Variants in RIC1 observed in about 807,000 individuals in gnomAD.
RIC1 encodes RIC1 partner of RAB6A GEF complex.
Under a neutral mutation model 169.0 loss-of-function variants are expected in RIC1, and 88 were observed. The ratio of observed to expected loss-of-function variants is 0.52; its 90% CI spans 0.44 to 0.62. The LOEUF is 0.62. Among genes scored for constraint, RIC1 ranks in the 20% least tolerant of loss-of-function variants. RIC1 has a pLI of 0.00. For synonymous variants in RIC1, 790 were observed against 601.5 expected, an observed-to-expected ratio of 1.31 and a Z score of -4.59; for missense variants, 1,877 against 1,725.5, an observed-to-expected ratio of 1.09 and a Z score of -1.56.
intron 14 of RIC1, among the ~76,000 whole-genome samples, 200 bp downstream of exon 14, chr9:5,753,846 G>C (rs1216895704): frequency 6.6e-6 from 1 of 152,162 alleles, no homozygotes; most frequent in Non-Finnish European, 1.5e-5. Flanking sequence ...ATCTTGTGTT[G>C]AAATAGTTGG....
intron 1 of RIC1, among the ~76,000 whole-genome samples, chr9:5,655,652 G>A (rs976863182): frequency 6.6e-6 from 1 of 152,064 alleles, no homozygotes; most frequent in Admixed American, 6.6e-5. Context: ...CTTTTTCTGT[G>A]TTTATTGAAA....
At chr9:5,640,934 C>T (rs1474674931) in intron 1 of RIC1, among the ~76,000 whole-genome samples, 1 of 152,054 alleles carries the variant, frequency 6.6e-6, no homozygotes, top group Non-Finnish European at 1.5e-5. Context: ...CCACTCTCTC[C>T]TGGCCTGTAA....
Position 5,726,029 on chromosome 9 carries a change from G to T in RIC1, c.720+5279G>T, listed in dbSNP as rs1020816976. On this transcript the variant is annotated intron_variant, in intron 6 of 25. Transcript: ENST00000414202. ...TGGTGCTGAGAAGAATGTATATTCT[G>T]TTGATTTGGGGTGGAGAGTTCTGTA... Among the ~76,000 whole-genome samples the T allele has an allele frequency of 6.6e-5, 10 of 152,296 alleles. No homozygotes were observed. In the East Asian group the frequency reaches 1.9e-3, roughly 29 times the overall value.
intron 1 of RIC1, among the ~76,000 whole-genome samples, chr9:5,651,812 C>T (rs140516046): frequency 1.3e-5 from 2 of 152,194 alleles, no homozygotes; most frequent in African/African-American, 4.8e-5. Flanking sequence ...AAGTGATCTG[C>T]CCACCTCGGC....
At chr9:5,728,396 G>A (rs142900104) in intron 6 of RIC1, among the ~76,000 whole-genome samples, 155 of 152,348 alleles carry the variant, frequency 1.0e-3, no homozygotes, top group Admixed American at 1.8e-3. Flanking sequence ...TTGGAAAAGC[G>A]CAGTATTAGG....
chr9:5,630,806 C>T (rs1174853707), intron 1 of RIC1, among the ~76,000 whole-genome samples: 1 of 152,200 alleles, frequency 6.6e-6, no homozygotes, highest in African/African-American at 2.4e-5. Flanking sequence ...AAAGTATCAT[C>T]TGGTTCCTAA....
intron 1 of RIC1, among the ~76,000 whole-genome samples, chr9:5,636,088 G>A (rs550944300): frequency 6.6e-6 from 1 of 152,240 alleles, no homozygotes; most frequent in East Asian, 1.9e-4. Flanking sequence ...CTGTTTATGT[G>A]AAAATATCAT....
chr9:5,629,490 C>T (rs1295819471), intron 1 of RIC1, 37 bp downstream of exon 1: 2 of 1,504,476 alleles, frequency 1.3e-6, no homozygotes, highest in African/African-American at 2.8e-5. Context: ...GCCGCTGCCT[C>T]CCCGGCCTCC....
intron 2 of RIC1, among the ~76,000 whole-genome samples, chr9:5,678,649 T>A (rs544502035): frequency 5.3e-5 from 8 of 152,370 alleles, no homozygotes; most frequent in South Asian, 2.1e-4. Flanking sequence ...ATGTCTTCTT[T>A]TGAGAAGTGT....
In RIC1 at chr9:5,757,377, C is replaced by T. The variant is rs1486618142; in HGVS notation, c.1918C>T (p.Pro640Ser). 2 of 1,614,030 alleles carry T rather than the reference C, an allele frequency of 1.2e-6. No individual in the cohort carries two copies. The highest frequency in any genetic ancestry group is 1.7e-5 in the Admixed American group (1 of 60,032). Residue 640 changes from proline (P) to serine (S), a missense_variant, in exon 17 of 26, where the codon CCT becomes TCT. This residue lies in a region of RIC1 where 1,104 missense variants were observed against 992.0 expected (regional missense o/e 1.11). Coordinates refer to ENST00000414202, the MANE Select transcript of RIC1 (RefSeq NM_020829.4). ...TTCCATGTCACGCTACATTCCTCACCCTTTCCTGGTGGTATCTGTCACTCT... is the reference window on the plus strand; with the variant it reads ...TTCCATGTCACGCTACATTCCTCACTCTTTCCTGGTGGTATCTGTCACTCT... Reference protein sequence around the residue: ...EVSMSRYIPHPFLVVSVTLTS... With the variant: ...EVSMSRYIPHSFLVVSVTLTS...
chr9:5,743,760 T>A (rs914374799), intron 10 of RIC1, 23 bp downstream of exon 10: 12 of 1,545,170 alleles, frequency 7.8e-6, no homozygotes, highest in Non-Finnish European at 1.1e-5. Context: ...TATAAAAAAT[T>A]GGCATGGTAT....
chr9:5,700,282 G>T (rs1268188878), intron 3 of RIC1, among the ~76,000 whole-genome samples: 1 of 152,054 alleles, frequency 6.6e-6, no homozygotes, highest in East Asian at 1.9e-4. Flanking sequence ...GAACATTATT[G>T]AGGGGATTAT....
intron 6 of RIC1, among the ~76,000 whole-genome samples, chr9:5,721,039 T>C (rs553850234): frequency 6.6e-6 from 1 of 152,328 alleles, no homozygotes; most frequent in East Asian, 1.9e-4. Flanking sequence ...TCTCCACTAC[T>C]CTGAATATTT....
intron 11 of RIC1, 77 bp downstream of exon 11, chr9:5,746,160 G>T: frequency 3.9e-6 from 4 of 1,031,844 alleles, no homozygotes; most frequent in Non-Finnish European, 4.1e-6. Flanking sequence ...ACATATGTAT[G>T]GCGTATACTT....
intron 1 of RIC1, among the ~76,000 whole-genome samples, chr9:5,642,964 C>G (rs1367408983): frequency 6.6e-6 from 1 of 151,942 alleles, no homozygotes; most frequent in Non-Finnish European, 1.5e-5. Flanking sequence ...AATCTAGTAC[C>G]ATTTTTATGA....
At chr9:5,676,184 T>C (rs531473217) in intron 2 of RIC1, among the ~76,000 whole-genome samples, 299 of 152,308 alleles carry the variant, frequency 2.0e-3, no homozygotes, top group African/African-American at 6.6e-3. Flanking sequence ...CCCAAAGTGC[T>C]GGGATTACAG....
intron 2 of RIC1, among the ~76,000 whole-genome samples, chr9:5,681,094 G>C (rs1292670249): frequency 1.3e-5 from 2 of 151,904 alleles, no homozygotes; most frequent in Admixed American, 6.6e-5. Flanking sequence ...CCAAAGTGCT[G>C]GGATTACAGG....
At chr9:5,693,313 A>C (rs997572405) in intron 3 of RIC1, among the ~76,000 whole-genome samples, 1 of 152,136 alleles carries the variant, frequency 6.6e-6, no homozygotes, top group African/African-American at 2.4e-5. Flanking sequence ...TCTTAACCTC[A>C]GACTGCATAT....
chr9:5,763,676 G>C lies in RIC1; in HGVS notation c.2649G>C (p.Leu883=). 1 of 1,614,146 alleles carries C rather than the reference G, an allele frequency of 6.2e-7. No homozygotes were observed. Among genetic ancestry groups the C allele is most frequent in the Non-Finnish European group, 8.5e-7 (1 of 1,180,018 alleles). The change falls in exon 19 of 26, where the codon CTG becomes CTC. Residue 883 remains leucine (L), a synonymous_variant. Transcript: ENST00000414202. This position sits in a 1 kb window ranked among gnomAD's most constrained non-coding sequence, Gnocchi z 5.2. ...ATSREPIPDP[L]LPTVAKFITE... The stretch of plus-strand genomic sequence containing the variant: ...CACGGGAGCCCATTCCCGACCCTCT[G>C]CTTCCCACTGTGGCAAAATTTATCA...
Sources: allele counts gnomAD v4.1 joint callset (sites outside exome capture counted in the v4.1 genomes callset), GRCh38; gene constraint gnomAD v4.1.1; regional missense constraint gnomAD v4.1.1; non-coding constraint Gnocchi (gnomAD v3.1); transcripts MANE v1.5; gene names NCBI Gene and HGNC (gene_info 2026-07-23, HGNC 2026-07-21).